Variants in FHIT observed in about 807,000 individuals in gnomAD.
FHIT encodes fragile histidine triad diadenosine triphosphatase.
A neutral mutation model predicts 17.9 loss-of-function variants in FHIT; 19 were observed. The ratio of observed to expected loss-of-function variants is 1.06; its 90% CI spans 0.74 to 1.56. FHIT has a LOEUF of 1.56. Ranked by LOEUF, FHIT falls within the 40% of genes most tolerant of loss-of-function variation. The pLI, the probability that FHIT is intolerant of heterozygous loss-of-function variation, is 0.00. For missense variants in FHIT, 248 were observed against 189.2 expected, an observed-to-expected ratio of 1.31 and a Z score of -1.82; for synonymous variants, 81 against 69.7, an observed-to-expected ratio of 1.16 and a Z score of -0.81.
intron 3 of FHIT, among the ~76,000 whole-genome samples, chr3:60,972,535 A>G (rs1710068701): frequency 6.7e-6 from 1 of 150,144 alleles, no homozygotes; most frequent in East Asian, 1.9e-4. Context: ...TTTTACTACA[A>G]TATGCCTCCA....
chr3:60,138,348 C>A (rs905730243), intron 5 of FHIT, among the ~76,000 whole-genome samples: 2 of 152,234 alleles, frequency 1.3e-5, no homozygotes, highest in African/African-American at 4.8e-5. Context: ...AAATGATGGG[C>A]TAGGAATCCA....
chr3:60,474,871 C>T (rs2033267597), intron 5 of FHIT, among the ~76,000 whole-genome samples: 1 of 152,180 alleles, frequency 6.6e-6, no homozygotes, highest in Non-Finnish European at 1.5e-5. Flanking sequence ...GATCTGCCCA[C>T]CTCAGCCTCT....
chr3:60,934,443 G>C (rs1553772619), intron 3 of FHIT, among the ~76,000 whole-genome samples: 5 of 152,150 alleles, frequency 3.3e-5, no homozygotes. Context: ...AAATATGTCT[G>C]AGCCACTGCA....
chr3:60,332,168 C>A (rs1254686495), intron 5 of FHIT, among the ~76,000 whole-genome samples: 1 of 152,178 alleles, frequency 6.6e-6, no homozygotes, highest in Admixed American at 6.5e-5. Context: ...GAAGCAATGT[C>A]CTACTATTAA....
chr3:60,544,231 G>A (rs1393111788), intron 4 of FHIT, among the ~76,000 whole-genome samples: 1 of 151,546 alleles, frequency 6.6e-6, no homozygotes, highest in Non-Finnish European at 1.5e-5. Context: ...ACCTTAAGAG[G>A]GCTGAGTTTA....
At chr3:59,952,408 G>C (rs1471642202) in intron 7 of FHIT, among the ~76,000 whole-genome samples, 1 of 149,936 alleles carries the variant, frequency 6.7e-6, no homozygotes. Flanking sequence ...CTCCCAGTCA[G>C]CCATCTGACT....
intron 5 of FHIT, among the ~76,000 whole-genome samples, chr3:60,154,720 C>A (rs191018285): frequency 6.6e-6 from 1 of 152,124 alleles, no homozygotes; most frequent in Non-Finnish European, 1.5e-5. Flanking sequence ...TTAAAAGGCA[C>A]AATTAATCAT....
intron 5 of FHIT, among the ~76,000 whole-genome samples, chr3:60,211,815 G>A (rs907018757): frequency 9.2e-5 from 14 of 152,186 alleles, no homozygotes; most frequent in Admixed American, 9.2e-4. Context: ...TCCCAAAGAT[G>A]AGCCTACAAG....
At chr3:60,932,212 G>A (rs1575712726) in intron 3 of FHIT, among the ~76,000 whole-genome samples, 2 of 152,268 alleles carry the variant, frequency 1.3e-5, no homozygotes, top group South Asian at 4.1e-4. Context: ...TTCTGAGGTA[G>A]GTATTACTAT....
chr3:61,214,010 T>C (rs1286560079), intron 1 of FHIT, among the ~76,000 whole-genome samples: 1 of 151,588 alleles, frequency 6.6e-6, no homozygotes, highest in African/African-American at 2.4e-5. Context: ...CAAAGCAGTG[T>C]ATAGAGGGAA....
At chr3:60,429,998 C>A (rs1702818046) in intron 5 of FHIT, among the ~76,000 whole-genome samples, 1 of 151,814 alleles carries the variant, frequency 6.6e-6, no homozygotes, top group Admixed American at 6.6e-5. Context: ...TAAGCCCGTG[C>A]CTTAAGAAGT....
intron 4 of FHIT, among the ~76,000 whole-genome samples, chr3:60,770,103 T>C (rs1171722780): frequency 6.6e-6 from 1 of 152,156 alleles, no homozygotes; most frequent in South Asian, 2.1e-4. Flanking sequence ...CTCTGGAGTA[T>C]TCCTGCTACT....
intron 7 of FHIT, among the ~76,000 whole-genome samples, chr3:59,930,301 C>T (rs1022005465): frequency 6.6e-6 from 1 of 152,116 alleles, no homozygotes; most frequent in African/African-American, 2.4e-5. Context: ...GTGGGGGTAA[C>T]ACAATGTGGG....
At chr3:60,439,592 T>G (rs1218185648) in intron 5 of FHIT, among the ~76,000 whole-genome samples, 1 of 152,054 alleles carries the variant, frequency 6.6e-6, no homozygotes, top group Non-Finnish European at 1.5e-5. Context: ...TCTCAGTCAG[T>G]GATTCCTCCA....
At chr3:59,977,354 C>T (rs1321699606) in intron 7 of FHIT, among the ~76,000 whole-genome samples, 2 of 152,118 alleles carry the variant, frequency 1.3e-5, no homozygotes, top group Non-Finnish European at 2.9e-5. Flanking sequence ...TTTATGCTCC[C>T]TTCACAACAT....
intron 5 of FHIT, among the ~76,000 whole-genome samples, chr3:60,294,996 A>C (rs1420310052): frequency 6.6e-6 from 1 of 152,146 alleles, no homozygotes; most frequent in Non-Finnish European, 1.5e-5. Flanking sequence ...CATTTGTGTA[A>C]CGGTTTTTGT....
At chr3:60,533,161 G>T (rs1210996482) in intron 5 of FHIT, among the ~76,000 whole-genome samples, 1 of 152,162 alleles carries the variant, frequency 6.6e-6, no homozygotes, top group Non-Finnish European at 1.5e-5. Context: ...AAACAGAATT[G>T]TAATGGACAA....
intron 3 of FHIT, among the ~76,000 whole-genome samples, chr3:60,981,641 C>A (rs1244927255): frequency 1.3e-5 from 2 of 152,074 alleles, no homozygotes; most frequent in Non-Finnish European, 2.9e-5. Flanking sequence ...CAGGGTCTTG[C>A]TCTGTTGCCA....
chr3:61,088,133 C>G (rs2035362978), intron 2 of FHIT, among the ~76,000 whole-genome samples: 1 of 152,156 alleles, frequency 6.6e-6, no homozygotes, highest in Non-Finnish European at 1.5e-5. Flanking sequence ...TCTCTGCCCT[C>G]AAGTTAAAAA....
Sources: gnomAD v4.1 joint callset for allele counts (sites outside exome capture counted in the v4.1 genomes callset) on GRCh38, gnomAD v4.1.1 for gene constraint, MANE v1.5 for transcripts, NCBI Gene and HGNC (gene_info 2026-07-23, HGNC 2026-07-21) for gene names.